The following EYS variants were observed in gnomAD, a reference collection of about 807,000 sequenced individuals.
The protein encoded by EYS is EGF-like photoreceptor maintenance factor, also known as protein eyes shut homolog.
In EYS, 250 loss-of-function variants were observed where a neutral mutation model predicts 282.1. The ratio of observed to expected loss-of-function variants is 0.89; its 90% confidence interval spans 0.80 to 0.98. The LOEUF is 0.98. Among genes scored for constraint, EYS ranks in the 50% least tolerant of loss-of-function variants. The pLI is 0.00. For synonymous variants in EYS, 1,355 were observed against 1,282.9 expected, an observed-to-expected ratio of 1.06 and a Z score of -1.20; for missense variants, 4,016 against 3,709.0, an observed-to-expected ratio of 1.08 and a Z score of -2.15.
chr6:65,491,420 C>T (rs1398174427), intron 4 of EYS: 2 of 313,828 alleles, frequency 6.4e-6, no homozygotes, highest in African/African-American at 2.2e-5. Context: ...CTGTTACAAA[C>T]CAACTGCATG....
chr6:65,696,150 G>T (rs1027586625), intron 1 of EYS, among the ~76,000 whole-genome samples: 1 of 151,938 alleles, frequency 6.6e-6, no homozygotes, highest in Admixed American at 6.6e-5. Flanking sequence ...TAAAGATTCT[G>T]TTGTATTCTT....
chr6:65,599,410 A>G (rs1037475016), intron 2 of EYS, among the ~76,000 whole-genome samples: 1 of 152,008 alleles, frequency 6.6e-6, no homozygotes, highest in African/African-American at 2.4e-5. Flanking sequence ...CAGAAGATTC[A>G]CAGAGGTTAT....
At chr6:64,103,826 A>C (rs781398938) in intron 31 of EYS, among the ~76,000 whole-genome samples, 1 of 152,184 alleles carries the variant, frequency 6.6e-6, no homozygotes, top group Non-Finnish European at 1.5e-5. Context: ...AATCAGGATC[A>C]AATTAAGAAT....
intron 35 of EYS, among the ~76,000 whole-genome samples, chr6:63,926,400 C>T (rs899627321): frequency 6.6e-6 from 1 of 152,192 alleles, no homozygotes; most frequent in African/African-American, 2.4e-5. Context: ...CTGTAGCATA[C>T]TGTATGTAAA....
chr6:64,605,609 A>G (rs752943625), intron 24 of EYS, among the ~76,000 whole-genome samples: 9 of 151,834 alleles, frequency 5.9e-5, no homozygotes, highest in Non-Finnish European at 1.3e-4. Flanking sequence ...AATTGAAATC[A>G]AATACCTTAA....
intron 35 of EYS, among the ~76,000 whole-genome samples, chr6:63,916,549 T>C (rs1039888064): frequency 2.0e-5 from 3 of 152,200 alleles, no homozygotes; most frequent in Non-Finnish European, 2.9e-5. Context: ...TTTTTACCCA[T>C]TTGAAATTTG....
At chr6:65,126,780 A>G (rs941376558) in intron 12 of EYS, among the ~76,000 whole-genome samples, 1 of 152,196 alleles carries the variant, frequency 6.6e-6, no homozygotes, top group African/African-American at 2.4e-5. Context: ...GCAGCCCAGC[A>G]TGTCAACTGA....
chr6:64,245,755 C>T (rs1164125607), intron 30 of EYS, among the ~76,000 whole-genome samples: 1 of 152,054 alleles, frequency 6.6e-6, no homozygotes, highest in East Asian at 1.9e-4. Flanking sequence ...TAAGCCATTA[C>T]TCCAAAGAGG....
In EYS at chr6:65,560,385, T is replaced by A. The variant is rs573337415; in HGVS notation, c.-332-64392A>T. Among the ~76,000 whole-genome samples the A allele has an allele frequency of 6.8e-3, 1,002 of 147,146 alleles. 5 individuals are homozygous for A. The highest frequency in any genetic ancestry group is 0.018 in the Middle Eastern group (5 of 278). On this transcript the variant is annotated intron_variant, in intron 2 of 42. Coordinates refer to ENST00000503581, the MANE Select transcript of EYS (RefSeq NM_001142800.2). ...CATAAAATAATACATTATTATATAT[T>A]GTATATAATATATAACATAATTATA...
intron 28 of EYS, among the ~76,000 whole-genome samples, chr6:64,392,868 G>C (rs1312512736): frequency 6.6e-6 from 1 of 151,830 alleles, no homozygotes; most frequent in Non-Finnish European, 1.5e-5. Flanking sequence ...CAACAAAATT[G>C]ATAGACCGCT....
chr6:64,001,580 A>T (rs1768095946), intron 33 of EYS, among the ~76,000 whole-genome samples: 1 of 152,182 alleles, frequency 6.6e-6, no homozygotes, highest in African/African-American at 2.4e-5. Flanking sequence ...AGACCTGCCC[A>T]AATGGAAGTT....
chr6:64,466,541 T>C (rs908525156), intron 26 of EYS, among the ~76,000 whole-genome samples: 13 of 152,128 alleles, frequency 8.5e-5, no homozygotes, highest in African/African-American at 2.2e-4. Flanking sequence ...ATGTGGAATC[T>C]AAACATGTTG....
In EYS at chr6:64,994,002, G is replaced by A. The variant is rs571965695; in HGVS notation, c.2259+3580C>T. Among the ~76,000 whole-genome samples, 5 of 151,330 alleles carry A rather than the reference G, an allele frequency of 3.3e-5. No individual in the cohort carries two copies. The South Asian group carries it at 6.2e-4, about 19-fold the overall frequency. ...TTTCCCCTGCTGTTATCAAAAATAA[G>A]CATTCATTATTCATGTAAGATAAAG... On this transcript the variant is annotated intron_variant, in intron 14 of 42. Transcript: ENST00000503581.
At position 64,277,339 on chromosome 6, in the gene EYS, C is replaced by A. The variant is rs187680918; in HGVS notation, c.6191+29631G>T. ...GTGGTATCCAAAGACAGTCTGATAA[C>A]CCAGTTTCAAATAATTCCAATGAGA... On this transcript the variant is annotated intron_variant, in intron 30 of 42. Coordinates refer to ENST00000503581, the MANE Select transcript of EYS (RefSeq NM_001142800.2). Among the ~76,000 whole-genome samples, 13 of 152,146 alleles carry A rather than the reference C, an allele frequency of 8.5e-5. No homozygotes were observed. In the Middle Eastern group the frequency reaches 0.01, roughly 119 times the overall value.
intron 26 of EYS, among the ~76,000 whole-genome samples, chr6:64,499,796 G>A (rs539671112): frequency 2.6e-5 from 4 of 152,136 alleles, no homozygotes; most frequent in South Asian, 2.1e-4. Context: ...ATGTTAATAA[G>A]ATAAACAAAT....
At chr6:64,300,312 C>G (rs1222308824) in intron 30 of EYS, among the ~76,000 whole-genome samples, 2 of 152,176 alleles carry the variant, frequency 1.3e-5, no homozygotes, top group East Asian at 3.9e-4. Flanking sequence ...CAAAAAGCAG[C>G]ACCTAGGCAA....
At chr6:64,909,083 T>C (rs1767914925) in intron 16 of EYS, among the ~76,000 whole-genome samples, 3 of 152,178 alleles carry the variant, frequency 2.0e-5, no homozygotes, top group Admixed American at 2.0e-4. Context: ...ACTTTAATGG[T>C]TAATTAACTG....
At chr6:64,518,732 T>A (rs1213203574) in intron 26 of EYS, among the ~76,000 whole-genome samples, 1 of 151,560 alleles carries the variant, frequency 6.6e-6, no homozygotes, top group Admixed American at 6.6e-5. Flanking sequence ...TCCCCCATCC[T>A]GTTCTTGTGA....
At chr6:64,583,703 G>A (rs952735716) in intron 26 of EYS, among the ~76,000 whole-genome samples, 2 of 152,030 alleles carry the variant, frequency 1.3e-5, no homozygotes, top group African/African-American at 4.8e-5. Context: ...GCTGAGGCAG[G>A]AGAATTGCTT....
Sources: gnomAD v4.1 joint callset for allele counts (sites outside exome capture counted in the v4.1 genomes callset) on GRCh38, gnomAD v4.1.1 for gene constraint, MANE v1.5 for transcripts, NCBI Gene and HGNC (gene_info 2026-07-23, HGNC 2026-07-21) for gene names.